Variants in RORA observed in about 807,000 individuals in gnomAD.
RORA encodes the protein RAR related orphan receptor A.
RORA carries 7 observed loss-of-function variants against 69.5 expected under a neutral mutation model. The observed-to-expected ratio is 0.10, with a 90% CI of 0.06 to 0.19. The LOEUF (loss-of-function observed/expected upper bound fraction) is 0.19. RORA is among the 10% of genes least tolerant of loss of function. The pLI, the probability that RORA is intolerant of heterozygous loss-of-function variation, is 1.00. For synonymous variants in RORA, 261 were observed against 240.8 expected (o/e 1.08, Z -0.78); for missense variants, 457 against 663.0 (o/e 0.69, Z 3.41).
intron 1 of RORA, among the ~76,000 whole-genome samples, chr15:60,978,595 T>C (rs1893943138): frequency 6.6e-6 from 1 of 152,224 alleles, no homozygotes; most frequent in Non-Finnish European, 1.5e-5. Flanking sequence ...AACTATTGCC[T>C]AATCCAAAGT....
chr15:60,558,314 G>A (rs201789449), intron 2 of RORA: 41 of 1,591,940 alleles, frequency 2.6e-5, no homozygotes, highest in Admixed American at 1.0e-4. Context: ...TCCCTGGAAC[G>A]AAAATGATAG....
intron 2 of RORA, among the ~76,000 whole-genome samples, chr15:60,617,226 G>A (rs1596063839): frequency 1.3e-5 from 2 of 152,280 alleles, no homozygotes; most frequent in East Asian, 1.9e-4. Context: ...TATACAGTAG[G>A]TGCCATTTTA....
At chr15:61,126,651 G>T (rs969491278) in intron 1 of RORA, among the ~76,000 whole-genome samples, 1 of 152,096 alleles carries the variant, frequency 6.6e-6, no homozygotes. Flanking sequence ...GAATATTCAC[G>T]TCTTATCTTG....
rs868150443 is a variant in RORA, at chr15:61,034,805, A to T, written c.166+194248T>A. ...TCACAGACCAAAAAAAAAAAAAAAA[A>T]AAAAAATCCACTCAAGGAAGTAGTG... On this transcript the variant is annotated intron_variant, in intron 1 of 10. Transcript: ENST00000335670. Among the ~76,000 whole-genome samples the T allele has an allele frequency of 4.6e-5, 7 of 151,724 alleles. No homozygotes were observed. The East Asian group carries it at 1.4e-3, about 29-fold the overall frequency.
chr15:60,592,587 G>C (rs1440288530), intron 2 of RORA: 2 of 1,218,580 alleles, frequency 1.6e-6, no homozygotes, highest in Non-Finnish European at 1.0e-6. Flanking sequence ...CTGACATCAC[G>C]GCCGCCGCTC....
chr15:60,855,761 C>T (rs933499584), intron 1 of RORA, among the ~76,000 whole-genome samples: 2 of 152,126 alleles, frequency 1.3e-5, no homozygotes, highest in African/African-American at 2.4e-5. Context: ...GCTGCACAGG[C>T]GCCCGCCACC....
intron 1 of RORA, among the ~76,000 whole-genome samples, chr15:61,024,270 C>CTTTTTTTTTTTTT (rs34008494): frequency 1.3e-5 from 1 of 79,396 alleles, no homozygotes; most frequent in African/African-American, 5.0e-5. Context: ...TCTTGGATCT[C>CTTTTTTTTTTTTT]TTTTTTTTTT....
rs527585913 is a variant in RORA at position 60,830,807 on chromosome 15, A to C, written c.167-152121T>G. 2.6e-5 allele frequency among the ~76,000 whole-genome samples: 4 copies of C among 152,348 alleles called. No individual in the cohort carries two copies. The South Asian group carries it at 8.3e-4, about 32-fold the overall frequency. ...AGGCACAGAATGTGATGAGAAACAC[A>C]TGGCAAGTGTCTAGTTGATTCACAA... On this transcript the variant is annotated intron_variant, in intron 1 of 10. Transcript: ENST00000335670.
chr15:60,891,605 T>C (rs976731710), intron 1 of RORA, among the ~76,000 whole-genome samples: 2 of 152,156 alleles, frequency 1.3e-5, no homozygotes, highest in Admixed American at 6.5e-5. Flanking sequence ...GGCAGGAGCA[T>C]GAAGGACTAG....
chr15:61,173,902 TC>T (rs1395662613), intron 1 of RORA, among the ~76,000 whole-genome samples: 1 of 152,216 alleles, frequency 6.6e-6, no homozygotes, highest in Non-Finnish European at 1.5e-5. Flanking sequence ...GTCCTTCCTA[TC>T]TTTTCAGATC....
chr15:60,559,281 T>C (rs929692928), intron 2 of RORA, among the ~76,000 whole-genome samples: 1 of 152,224 alleles, frequency 6.6e-6, no homozygotes, highest in Non-Finnish European at 1.5e-5. Flanking sequence ...TTTATCCTTT[T>C]TATGTTTTTT....
intron 1 of RORA, among the ~76,000 whole-genome samples, chr15:61,188,999 C>T (rs999246555): frequency 2.0e-5 from 3 of 152,276 alleles, no homozygotes; most frequent in African/African-American, 7.2e-5. Context: ...GCATTACCAA[C>T]CCACTCTCAG....
chr15:60,985,647 C>T (rs539607833), intron 1 of RORA, among the ~76,000 whole-genome samples: 23 of 133,168 alleles, frequency 1.7e-4, no homozygotes, highest in African/African-American at 6.6e-4. Flanking sequence ...TGCAGTGGCA[C>T]GATCTTGGCT....
intron 2 of RORA, among the ~76,000 whole-genome samples, chr15:60,597,400 G>C (rs990959524): frequency 6.7e-6 from 1 of 149,310 alleles, no homozygotes; most frequent in African/African-American, 2.5e-5. Context: ...ACACACACCA[G>C]TCAAGGCAGG....
At chr15:60,784,824 C>T (rs866049090) in intron 1 of RORA, among the ~76,000 whole-genome samples, 1 of 152,164 alleles carries the variant, frequency 6.6e-6, no homozygotes, top group East Asian at 1.9e-4. Context: ...ATGCCCTTCA[C>T]CAGTATCCTA....
chr15:61,032,305 G>A (rs1896214947), intron 1 of RORA, among the ~76,000 whole-genome samples: 1 of 152,168 alleles, frequency 6.6e-6, no homozygotes, highest in African/African-American at 2.4e-5. Flanking sequence ...TTGAACTGAA[G>A]AAGAATGGTA....
chr15:61,050,098 C>T (rs191459600), intron 1 of RORA, among the ~76,000 whole-genome samples: 42 of 152,290 alleles, frequency 2.8e-4, no homozygotes, highest in East Asian at 1.9e-4. Flanking sequence ...CTTTTTATCA[C>T]CTCCTAGAGC....
chr15:60,918,775 C>G (rs914112816), intron 1 of RORA, among the ~76,000 whole-genome samples: 9 of 151,988 alleles, frequency 5.9e-5, no homozygotes, highest in South Asian at 2.1e-4. Context: ...AGGGAGGGAG[C>G]AGAAAGAGAT....
intron 1 of RORA, among the ~76,000 whole-genome samples, chr15:60,872,802 C>A (rs1419498190): frequency 6.6e-6 from 1 of 150,650 alleles, no homozygotes; most frequent in South Asian, 2.1e-4. Context: ...TCACATCTGC[C>A]CCCCTGGCTC....
Sources: allele counts gnomAD v4.1 joint callset (sites outside exome capture counted in the v4.1 genomes callset), GRCh38; gene constraint gnomAD v4.1.1; transcripts MANE v1.5; gene names NCBI Gene and HGNC (gene_info 2026-07-23, HGNC 2026-07-21).